Variants in SLTM observed in about 807,000 individuals in gnomAD.
The protein encoded by SLTM is SAFB-like transcription modulator.
Under a neutral mutation model 134.6 loss-of-function variants are expected in SLTM, and 43 were observed. That is an observed-to-expected ratio of 0.32 (90% confidence interval 0.25 to 0.41). The LOEUF is 0.41. Among genes scored for constraint, SLTM ranks in the 10% least tolerant of loss-of-function variants. The pLI, the probability that SLTM is intolerant of heterozygous loss-of-function variation, is 1.00. For missense variants in SLTM, 1,055 were observed against 1,288.8 expected (o/e 0.82, Z 2.78); for synonymous variants, 424 against 432.3 (o/e 0.98, Z 0.24).
intron 20 of SLTM, among the ~76,000 whole-genome samples, chr15:58,881,804 C>A (rs2033733989): frequency 6.6e-6 from 1 of 152,036 alleles, no homozygotes; most frequent in African/African-American, 2.4e-5. Context: ...ACCATGTTGC[C>A]CAGGCTGGTC....
intron 15 of SLTM, 82 bp from the exon 16 acceptor site, chr15:58,889,636 T>C: frequency 6.5e-7 from 1 of 1,545,600 alleles, no homozygotes; most frequent in Non-Finnish European, 8.8e-7. Flanking sequence ...GTTTTAATCC[T>C]GTTGCTAAGA....
Position 58,913,719 on chromosome 15 carries a change from G to A in SLTM, c.316-23C>T, listed in dbSNP as rs374311611. The A allele has an allele frequency of 6.4e-4, 1,023 of 1,606,718 alleles. 1 individual carries two copies. Among genetic ancestry groups the A allele is most frequent in the Non-Finnish European group, 8.1e-4 (954 of 1,174,936 alleles). ...GTCCTTTTAATGGTAAGAAAATTTG[G>A]TACAACTAGAGGCAAAGTAGTGTGG... On this transcript the variant is annotated intron_variant, in intron 3 of 20. Coordinates refer to ENST00000380516, the MANE Select transcript of SLTM (RefSeq NM_024755.4).
intron 2 of SLTM, among the ~76,000 whole-genome samples, chr15:58,929,304 T>G (rs907966063): frequency 2.0e-5 from 3 of 151,958 alleles, no homozygotes; most frequent in African/African-American, 7.2e-5. Context: ...CAAAATTAGT[T>G]TGGAGTGGTG....
In SLTM at chr15:58,918,404, C is replaced by A. The variant is rs180895172; in HGVS notation, c.251-1405G>T. On this transcript the variant is annotated intron_variant, in intron 2 of 20. Coordinates refer to ENST00000380516, the MANE Select transcript of SLTM (RefSeq NM_024755.4). ...AATAAATATTTTAAAGGTTAGTAAACCTGCATTTCCCTAGTCTCCTCGGTA... is the reference window on the plus strand; with the variant it reads ...AATAAATATTTTAAAGGTTAGTAAAACTGCATTTCCCTAGTCTCCTCGGTA... Among the ~76,000 whole-genome samples, 20 of 152,268 alleles carry A rather than the reference C, an allele frequency of 1.3e-4. 1 individual carries two copies. The highest frequency in any genetic ancestry group is 7.2e-4 in the Admixed American group (11 of 15,288).
chr15:58,926,036 C>T (rs916778190), intron 2 of SLTM, among the ~76,000 whole-genome samples: 50 of 152,214 alleles, frequency 3.3e-4, no homozygotes, highest in African/African-American at 1.1e-3. Flanking sequence ...TAGTTCTTAA[C>T]TTCAGGTGTA....
At chr15:58,895,068 T>G (rs1410652006) in intron 9 of SLTM, among the ~76,000 whole-genome samples, 1 of 152,164 alleles carries the variant, frequency 6.6e-6, no homozygotes, top group East Asian at 1.9e-4. Flanking sequence ...GGGGAACAAT[T>G]TAAAGTGCCA....
rs187851911 is a variant in SLTM at position 58,901,375 on chromosome 15, G to T, written c.562-88C>A. 1.2e-5 allele frequency: 13 copies of T among 1,087,918 alleles called. No homozygotes were observed. In the Admixed American group the frequency reaches 2.0e-4, roughly 17 times the overall value. 67.4% of individuals were successfully genotyped at this position (1,087,918 alleles called of 1,614,324 possible). On this transcript the variant is annotated intron_variant, in intron 5 of 20. Transcript: ENST00000380516. ...TACAAAATCAGCCAAGTTAAAATTG[G>T]TGGATAATTTAATGATATTATTTAG... is the stretch of plus-strand genomic sequence containing the variant.
At chr15:58,901,414 TA>T in intron 5 of SLTM, 127 bp from the exon 6 acceptor site, 1 of 714,940 alleles carries the variant, frequency 1.4e-6, no homozygotes, top group Non-Finnish European at 2.3e-6. Context: ...TACCTAACAC[TA>T]ACAAATAAAT....
At chr15:58,885,258 T>C (rs1399646886) in intron 19 of SLTM, among the ~76,000 whole-genome samples, 2 of 152,162 alleles carry the variant, frequency 1.3e-5, no homozygotes, top group African/African-American at 2.4e-5. Flanking sequence ...AAAGCAAGCA[T>C]TGTGATACTT....
In SLTM at chr15:58,924,140, G is replaced by GA. The variant is rs546177263; in HGVS notation, c.251-7142dup. ...TGAAGCCAAACTTTTACGCTTTGAG[G>GA]AAAAAACTACAAAATAAATTGGGCA... On this transcript the variant is annotated intron_variant, in intron 2 of 20. Coordinates refer to ENST00000380516, the MANE Select transcript of SLTM (RefSeq NM_024755.4). Among the ~76,000 whole-genome samples, 97 of 151,968 alleles carry GA rather than the reference G, an allele frequency of 6.4e-4. 2 individuals are homozygous for GA. The highest frequency in any genetic ancestry group is 1.0e-3 in the Non-Finnish European group (70 of 67,942).
chr15:58,890,220 C>T (rs1007045548), intron 15 of SLTM, 61 bp downstream of exon 15: 174 of 1,585,052 alleles, frequency 1.1e-4, no homozygotes, highest in Non-Finnish European at 1.4e-4. Context: ...AGTTTTAGGG[C>T]TAAAATCACA....
chr15:58,894,250 T>C (rs1193390235), intron 10 of SLTM, 57 bp from the exon 11 acceptor site: 11 of 1,481,548 alleles, frequency 7.4e-6, no homozygotes, highest in Non-Finnish European at 9.3e-6. Flanking sequence ...TTTGTGATTA[T>C]AAGAAGTGTG....
At chr15:58,931,676 T>C (rs957069661) in intron 2 of SLTM, among the ~76,000 whole-genome samples, 1 of 152,226 alleles carries the variant, frequency 6.6e-6, no homozygotes, top group African/African-American at 2.4e-5. Context: ...CCATTCATAC[T>C]GCAAAACGTT....
chr15:58,887,616 A>G (rs878859642), intron 17 of SLTM, 76 bp from the exon 18 acceptor site: 2 of 1,515,002 alleles, frequency 1.3e-6, no homozygotes, highest in South Asian at 1.4e-5. Flanking sequence ...CTTTGTCTGC[A>G]TAACCTACAA....
At chr15:58,896,052 T>A (rs1219864019) in intron 9 of SLTM, among the ~76,000 whole-genome samples, 4 of 152,192 alleles carry the variant, frequency 2.6e-5, no homozygotes, top group Non-Finnish European at 5.9e-5. Context: ...AACTATAATG[T>A]AAGTAGACAG....
Position 58,901,244 on chromosome 15 carries a change from C to G in SLTM, c.589+16G>C, listed in dbSNP as rs762855864. On this transcript the variant is annotated intron_variant, in intron 6 of 20. Transcript: ENST00000380516. Reference sequence around the variant, plus strand: ...TCTAAATTTTAGCAATTTTTAAGCTCTAGCATCAAACATACCTTTCTCATT... The same window carrying G: ...TCTAAATTTTAGCAATTTTTAAGCTGTAGCATCAAACATACCTTTCTCATT... 1 of 1,597,804 alleles carries G rather than the reference C, an allele frequency of 6.3e-7. No homozygotes were observed. The highest frequency in any genetic ancestry group is 1.7e-4 in the Middle Eastern group (1 of 6,040).
At chr15:58,922,418 C>T (rs1345504839) in intron 2 of SLTM, among the ~76,000 whole-genome samples, 1 of 133,910 alleles carries the variant, frequency 7.5e-6, no homozygotes, top group African/African-American at 2.8e-5. Flanking sequence ...GTTTATCAGC[C>T]AGCTCAGAAC....
intron 2 of SLTM, among the ~76,000 whole-genome samples, chr15:58,919,199 C>G (rs1289122249): frequency 6.6e-6 from 1 of 152,202 alleles, no homozygotes; most frequent in Non-Finnish European, 1.5e-5. Flanking sequence ...AGGCGTGAGC[C>G]ACCACGCCCA....
At chr15:58,921,887 T>A (rs529062981) in intron 2 of SLTM, among the ~76,000 whole-genome samples, 2 of 152,202 alleles carry the variant, frequency 1.3e-5, no homozygotes, top group African/African-American at 4.8e-5. Flanking sequence ...GCGATTCTCA[T>A]GCCTCAGCCT....
Sources: gnomAD v4.1 joint callset for allele counts (sites outside exome capture counted in the v4.1 genomes callset) on GRCh38, gnomAD v4.1.1 for gene constraint, MANE v1.5 for transcripts, NCBI Gene and HGNC (gene_info 2026-07-23, HGNC 2026-07-21) for gene names.